LGSN: variants seen among roughly 807,000 people sequenced by gnomAD.
LGSN encodes the protein lengsin.
In LGSN, 21 loss-of-function variants were observed where a neutral mutation model predicts 19.5. The ratio of observed to expected loss-of-function variants is 1.07; its 90% CI spans 0.76 to 1.55. The LOEUF is 1.55. Ranked by LOEUF, LGSN falls within the 40% of genes most tolerant of loss-of-function variation. The pLI is 0.00. For missense variants in LGSN, 673 were observed against 608.5 expected, an observed-to-expected ratio of 1.11 and a Z score of -1.12; for synonymous variants, 257 against 215.6, an observed-to-expected ratio of 1.19 and a Z score of -1.68.
At chr6:63,553,310 C>T in the LGSN span, among the ~76,000 whole-genome samples, 1 of 152,174 alleles carries the variant, frequency 6.6e-6, no homozygotes, top group East Asian at 1.9e-4. Flanking sequence ...CATAAAGTAA[C>T]AGGATGCTGT....
rs190486567 is a variant in LGSN at position 63,293,112 on chromosome 6, A to C, written c.163+1801T>G. Among the ~76,000 whole-genome samples, 823 of 152,068 alleles carry C rather than the reference A, an allele frequency of 5.4e-3. 1 individual carries two copies. The highest frequency in any genetic ancestry group is 8.1e-3 in the Non-Finnish European group (548 of 67,972). On this transcript the variant is annotated intron_variant, in intron 2 of 3. Transcript: ENST00000370657. ...CCTCCTGGGCTCAAGTGATCCTCCC[A>C]CCTCATTCCCCTGAGTAGCTAGGAC...
At chr6:63,422,514 T>C in the LGSN span, among the ~76,000 whole-genome samples, 1 of 152,194 alleles carries the variant, frequency 6.6e-6, no homozygotes, top group African/African-American at 2.4e-5. Context: ...GCTATGAACC[T>C]ATAAATTATC....
the LGSN span, among the ~76,000 whole-genome samples, chr6:63,388,970 G>A: frequency 1.3e-5 from 2 of 152,142 alleles, no homozygotes; most frequent in Non-Finnish European, 2.9e-5. Context: ...TAAGCAGAAT[G>A]CACAGAAAGT....
the LGSN span, among the ~76,000 whole-genome samples, chr6:63,500,885 G>T: frequency 6.6e-6 from 1 of 151,754 alleles, no homozygotes; most frequent in South Asian, 2.1e-4. Context: ...GTGCCACCAG[G>T]CCTGGCTAAT....
intron 1 of LGSN, among the ~76,000 whole-genome samples, chr6:63,305,947 G>T (rs1471386246): frequency 6.6e-6 from 1 of 151,886 alleles, no homozygotes; most frequent in Non-Finnish European, 1.5e-5. Flanking sequence ...GGTGTCTGTA[G>T]TCCCAGCTAC....
the LGSN span, among the ~76,000 whole-genome samples, chr6:63,367,071 A>G: frequency 6.6e-6 from 1 of 152,194 alleles, no homozygotes; most frequent in African/African-American, 2.4e-5. Flanking sequence ...AAAGGCAACA[A>G]AAGCCAAAAT....
the LGSN span, among the ~76,000 whole-genome samples, chr6:63,535,329 A>G: frequency 5.9e-5 from 9 of 152,028 alleles, no homozygotes; most frequent in African/African-American, 2.2e-4. Flanking sequence ...AGCCAGGCAT[A>G]GTGGCATGCT....
chr6:63,303,491 T>G (rs545756557), intron 1 of LGSN, among the ~76,000 whole-genome samples: 1 of 152,348 alleles, frequency 6.6e-6, no homozygotes, highest in East Asian at 1.9e-4. Flanking sequence ...TGAATTGTCT[T>G]GGTCAAAGGT....
At chr6:63,488,364 G>T in the LGSN span, among the ~76,000 whole-genome samples, 3 of 152,108 alleles carry the variant, frequency 2.0e-5, no homozygotes, top group Non-Finnish European at 4.4e-5. Flanking sequence ...TAGGTAATTT[G>T]CCCAGCATCC....
At chr6:63,473,712 A>T in the LGSN span, among the ~76,000 whole-genome samples, 1 of 148,774 alleles carries the variant, frequency 6.7e-6, no homozygotes, top group East Asian at 2.0e-4. Context: ...TCTCTTCCTG[A>T]CTGGGGTCCA....
At chr6:63,309,381 G>A (rs574278330) in intron 1 of LGSN, among the ~76,000 whole-genome samples, 28 of 152,264 alleles carry the variant, frequency 1.8e-4, no homozygotes, top group Admixed American at 1.6e-3. Context: ...GCAGTGAGCC[G>A]AGATCTCGTC....
the LGSN span, among the ~76,000 whole-genome samples, chr6:63,363,850 GC>G: frequency 6.6e-6 from 1 of 152,040 alleles, no homozygotes; most frequent in Non-Finnish European, 1.5e-5. Context: ...TACAGAGAAT[GC>G]CACAAAGATA....
the LGSN span, among the ~76,000 whole-genome samples, chr6:63,338,210 T>G: frequency 2.0e-5 from 3 of 152,086 alleles, no homozygotes; most frequent in African/African-American, 7.2e-5. Context: ...TTTTGACAAC[T>G]CTTCTTTAAG....
chr6:63,555,266 C>A, the LGSN span, among the ~76,000 whole-genome samples: 1 of 152,162 alleles, frequency 6.6e-6, no homozygotes, highest in Non-Finnish European at 1.5e-5. Context: ...ACATTTCCAA[C>A]ATTAGAGGAT....
the LGSN span, among the ~76,000 whole-genome samples, chr6:63,410,058 A>G: frequency 6.6e-6 from 1 of 152,108 alleles, no homozygotes; most frequent in Non-Finnish European, 1.5e-5. Flanking sequence ...AATAAAATAA[A>G]ATAATAAGGT....
At chr6:63,374,695 A>G in the LGSN span, among the ~76,000 whole-genome samples, 1 of 152,218 alleles carries the variant, frequency 6.6e-6, no homozygotes, top group Non-Finnish European at 1.5e-5. Flanking sequence ...TCAGTTCAAA[A>G]TGGATCCACA....
chr6:63,394,376 A>G, the LGSN span, among the ~76,000 whole-genome samples: 2 of 152,230 alleles, frequency 1.3e-5, no homozygotes. Flanking sequence ...ACTGCTCATG[A>G]TATGCTAGTT....
the LGSN span, among the ~76,000 whole-genome samples, chr6:63,497,918 C>CTTTTTTTTTTTTTTTTTT: frequency 1.6e-4 from 20 of 121,874 alleles, no homozygotes; most frequent in African/African-American, 3.5e-4. Flanking sequence ...TGTCATGTTT[C>CTTTTTTTTTTTTTTTTTT]TTTTTTTTTT....
chr6:63,378,286 CTT>C, the LGSN span, among the ~76,000 whole-genome samples: 6 of 152,094 alleles, frequency 3.9e-5, no homozygotes, highest in African/African-American at 1.4e-4. Context: ...ATCTGAATGA[CTT>C]TTATATACTT....
Sources: allele counts gnomAD v4.1 joint callset (sites outside exome capture counted in the v4.1 genomes callset), GRCh38; gene constraint gnomAD v4.1.1; transcripts MANE v1.5; gene names NCBI Gene and HGNC (gene_info 2026-07-23, HGNC 2026-07-21).